The following ZC3HAV1 variants were observed in gnomAD, a reference collection of about 807,000 sequenced individuals.
ZC3HAV1 encodes the protein zinc finger CCCH-type antiviral protein 1.
A neutral mutation model predicts 86.6 loss-of-function variants in ZC3HAV1; 41 were observed. The ratio of observed to expected loss-of-function variants is 0.47; its 90% CI spans 0.37 to 0.61. The LOEUF is 0.61. ZC3HAV1 is among the 20% of genes least tolerant of loss of function. ZC3HAV1 has a pLI of 0.00. For synonymous variants in ZC3HAV1, 421 were observed against 432.1 expected (o/e 0.97, Z 0.32); for missense variants, 964 against 1,141.1 (o/e 0.84, Z 2.24).
At chr7:139,052,785 T>C (rs1489360141) in intron 12 of ZC3HAV1, among the ~76,000 whole-genome samples, 1 of 151,068 alleles carries the variant, frequency 6.6e-6, no homozygotes, top group Non-Finnish European at 1.5e-5. Context: ...AAAAATTAGC[T>C]GGATGTGGTG....
chr7:139,081,102 G>T (rs765228228), intron 3 of ZC3HAV1, among the ~76,000 whole-genome samples: 5 of 152,140 alleles, frequency 3.3e-5, no homozygotes, highest in Non-Finnish European at 5.9e-5. Flanking sequence ...GAAGGAAGGA[G>T]TTAGGGTGTG....
At chr7:139,074,722 A>G (rs1371948175) in intron 6 of ZC3HAV1, among the ~76,000 whole-genome samples, 1 of 151,916 alleles carries the variant, frequency 6.6e-6, no homozygotes, top group Non-Finnish European at 1.5e-5. Context: ...TGTATATTAA[A>G]TGGATATACA....
chr7:139,047,600 A>G lies in ZC3HAV1; in HGVS notation c.2703T>C (p.Ile901=), dbSNP rs753424071. 1 of 1,614,072 alleles carries G rather than the reference A, an allele frequency of 6.2e-7. No homozygotes were observed. The change falls in exon 13 of 13, where the codon ATT becomes ATC. Residue 901 remains isoleucine, a synonymous_variant. Coordinates refer to ENST00000242351, the MANE Select transcript of ZC3HAV1 (RefSeq NM_020119.4). ...GACGCTGTATTCATCGGTTCTAACT[A>G]ATCACGCAGGCTTTGTCTTCAGTAT... is the stretch of plus-strand genomic sequence containing the variant. The part of the protein sequence containing the change: ...IEYTEDKACV[I]S
rs1815916790 is a variant in ZC3HAV1 at position 139,044,961 on chromosome 7, C to G, written c.*2633G>C. ...TTTTATTCTAATGCCCACTGATATC[C>G]CTGCTTTTACATTTTCCCACATATG... On this transcript the variant is annotated 3_prime_UTR_variant, in exon 13 of 13. Transcript: ENST00000242351. 6.6e-6 allele frequency: 1 copy of G among 152,014 alleles called. No individual in the cohort carries two copies. The highest frequency in any genetic ancestry group is 2.4e-5 in the African/African-American group (1 of 41,358). 9.4% of individuals were successfully genotyped at this position (152,014 alleles called of 1,614,324 possible). A position where few individuals can be genotyped will look rare whatever the true frequency, so the allele number is the denominator to read the frequency against.
At chr7:139,064,187 G>A (rs1422904619) in intron 8 of ZC3HAV1, among the ~76,000 whole-genome samples, 2 of 152,218 alleles carry the variant, frequency 1.3e-5, no homozygotes, top group African/African-American at 2.4e-5. Flanking sequence ...TACCATCTGC[G>A]AATTCAGGGA....
chr7:139,080,423 T>TTTTTG (rs1817096245), intron 3 of ZC3HAV1, among the ~76,000 whole-genome samples, 180 bp from the exon 4 acceptor site: 2 of 152,104 alleles, frequency 1.3e-5, no homozygotes, highest in African/African-American at 4.8e-5. Context: ...ACTGACGGTT[T>TTTTTG]TTTTTGTTTT....
At chr7:139,062,227 C>CCA (rs10547164) in intron 8 of ZC3HAV1, among the ~76,000 whole-genome samples, 2,696 of 148,874 alleles carry the variant, frequency 0.018, 31 homozygotes, top group East Asian at 0.035. Flanking sequence ...CAAACATAAA[C>CCA]CACACACACA....
chr7:139,094,589 A>T (rs747465296), intron 1 of ZC3HAV1, among the ~76,000 whole-genome samples: 1 of 151,778 alleles, frequency 6.6e-6, no homozygotes, highest in Non-Finnish European at 1.5e-5. Context: ...AAAACAAACG[A>T]CCTTTTCACT....
At chr7:139,088,912 G>A (rs530971171) in intron 2 of ZC3HAV1, among the ~76,000 whole-genome samples, 1 of 152,160 alleles carries the variant, frequency 6.6e-6, no homozygotes, top group South Asian at 2.1e-4. Flanking sequence ...AGGCCAGGCT[G>A]GCCAACATGG....
rs190165311 is a variant in ZC3HAV1, at chr7:139,054,273, A to C, written c.2188-178T>G. 7.2e-5 allele frequency among the ~76,000 whole-genome samples: 11 copies of C among 152,312 alleles called. No individual in the cohort carries two copies. In the East Asian group the frequency reaches 2.1e-3, roughly 29 times the overall value. On this transcript the variant is annotated intron_variant, in intron 10 of 12. Transcript: ENST00000242351. ...AACTCATTCCCGTAATTAATCAGAGAGGCAGCGGGCCTGTCTGTCCAGGCC... is the reference window on the plus strand; with the variant it reads ...AACTCATTCCCGTAATTAATCAGAGCGGCAGCGGGCCTGTCTGTCCAGGCC...
At chr7:139,105,032 CAAAAAAAAA>C (rs34053904) in intron 1 of ZC3HAV1, among the ~76,000 whole-genome samples, 1 of 72,812 alleles carries the variant, frequency 1.4e-5, no homozygotes, top group African/African-American at 5.3e-5. Flanking sequence ...GACTCTGTCT[CAAAAAAAAA>C]AAAAAAAAAA....
intron 12 of ZC3HAV1, among the ~76,000 whole-genome samples, chr7:139,052,067 T>G (rs1816138554): frequency 6.6e-6 from 1 of 152,184 alleles, no homozygotes; most frequent in South Asian, 2.1e-4. Flanking sequence ...AGCTTGCTTA[T>G]TAGTTAAAAA....
chr7:139,072,207 T>C (rs560015595), intron 7 of ZC3HAV1, among the ~76,000 whole-genome samples: 9 of 152,108 alleles, frequency 5.9e-5, no homozygotes, highest in Non-Finnish European at 1.3e-4. Flanking sequence ...TTTTTTTTTT[T>C]GGAATCTCAC....
chr7:139,086,088 G>C (rs1238592779), intron 2 of ZC3HAV1, among the ~76,000 whole-genome samples: 1 of 151,770 alleles, frequency 6.6e-6, no homozygotes, highest in African/African-American at 2.4e-5. Flanking sequence ...CATCTTTAGA[G>C]AGCCATCCTG....
chr7:139,052,679 T>A (rs1260616114), intron 12 of ZC3HAV1, among the ~76,000 whole-genome samples: 2 of 151,566 alleles, frequency 1.3e-5, no homozygotes, highest in Admixed American at 1.3e-4. Context: ...TCCCAGCACT[T>A]TGGCAGGCCA....
intron 2 of ZC3HAV1, among the ~76,000 whole-genome samples, chr7:139,087,971 G>A (rs1047035177): frequency 4.2e-5 from 6 of 144,020 alleles, no homozygotes; most frequent in African/African-American, 1.6e-4. Flanking sequence ...GGTCAAGGCT[G>A]CAGTGAGCCC....
chr7:139,073,021 C>T (rs867956969), intron 7 of ZC3HAV1, among the ~76,000 whole-genome samples: 1 of 152,250 alleles, frequency 6.6e-6, no homozygotes, highest in Middle Eastern at 3.4e-3. Flanking sequence ...TATGGCCGGG[C>T]GCAGTGGCTC....
intron 8 of ZC3HAV1, among the ~76,000 whole-genome samples, chr7:139,063,723 CAAA>C (rs57944873): frequency 2.7e-5 from 2 of 73,960 alleles, no homozygotes; most frequent in Non-Finnish European, 2.9e-5. Flanking sequence ...GACCCTGTCT[CAAA>C]AAAAAAAAAA....
chr7:139,101,048 T>C (rs1255453380), intron 1 of ZC3HAV1, among the ~76,000 whole-genome samples: 1 of 152,220 alleles, frequency 6.6e-6, no homozygotes, highest in African/African-American at 2.4e-5. Context: ...TTTCGCTGTG[T>C]TGGCCGGGCT....
Sources: allele counts gnomAD v4.1 joint callset (sites outside exome capture counted in the v4.1 genomes callset), GRCh38; gene constraint gnomAD v4.1.1; transcripts MANE v1.5; gene names NCBI Gene and HGNC (gene_info 2026-07-23, HGNC 2026-07-21).